Variants in PTPRK observed in about 807,000 individuals in gnomAD.
PTPRK encodes protein tyrosine phosphatase receptor type K, also known as receptor-type tyrosine-protein phosphatase kappa.
In PTPRK, 75 loss-of-function variants were observed where a neutral mutation model predicts 178.0. That is an observed-to-expected ratio of 0.42 (90% CI 0.35 to 0.51). The LOEUF is 0.51. Among genes scored for constraint, PTPRK ranks in the 20% least tolerant of loss-of-function variants. PTPRK has a pLI of 0.02. For missense variants in PTPRK, 1,441 were observed against 1,797.8 expected (o/e 0.80, Z 3.59); for synonymous variants, 637 against 620.6 (o/e 1.03, Z -0.39).
intron 1 of PTPRK, among the ~76,000 whole-genome samples, chr6:128,419,384 G>T (rs1048703075): frequency 6.6e-6 from 1 of 152,180 alleles, no homozygotes; most frequent in Non-Finnish European, 1.5e-5. Context: ...ACACCAAGGC[G>T]GGCGGATCAC....
intron 10 of PTPRK, among the ~76,000 whole-genome samples, chr6:128,081,885 G>A (rs550534109): frequency 2.6e-5 from 4 of 152,032 alleles, no homozygotes; most frequent in African/African-American, 9.6e-5. Context: ...GACTACAATA[G>A]AATGTAAAGT....
At chr6:128,467,151 C>G (rs768601500) in intron 1 of PTPRK, among the ~76,000 whole-genome samples, 4 of 152,062 alleles carry the variant, frequency 2.6e-5, no homozygotes, top group Non-Finnish European at 5.9e-5. Context: ...AGGTGAGCAC[C>G]ACCGCGCCCG....
At chr6:128,391,069 C>A (rs1260197619) in intron 2 of PTPRK, among the ~76,000 whole-genome samples, 1 of 151,860 alleles carries the variant, frequency 6.6e-6, no homozygotes, top group Non-Finnish European at 1.5e-5. Context: ...AGTTCCAGGA[C>A]CATTCATTCC....
chr6:128,238,199 A>G (rs1562847678), intron 5 of PTPRK: 3 of 399,104 alleles, frequency 7.5e-6, no homozygotes, highest in Admixed American at 3.3e-5. Flanking sequence ...AAAAAAAAAA[A>G]AAAGAAAAGA....
intron 2 of PTPRK, among the ~76,000 whole-genome samples, chr6:128,369,707 T>G (rs1318584932): frequency 4.6e-5 from 7 of 152,150 alleles, no homozygotes; most frequent in Non-Finnish European, 8.8e-5. Flanking sequence ...ATTCATTTAA[T>G]TTTTAACCTT....
chr6:127,970,913 G>C (rs772576198), intron 29 of PTPRK, among the ~76,000 whole-genome samples: 4 of 151,452 alleles, frequency 2.6e-5, no homozygotes, highest in Non-Finnish European at 5.9e-5. Context: ...ATGCTACAGT[G>C]ATAAACTGCA....
At chr6:128,170,903 CAA>C (rs201323667) in intron 7 of PTPRK, among the ~76,000 whole-genome samples, 6 of 129,696 alleles carry the variant, frequency 4.6e-5, no homozygotes, top group East Asian at 2.1e-4. Context: ...AGTAAGAAAG[CAA>C]AAAAAAAAAA....
At chr6:127,992,871 C>T (rs539408900) in intron 18 of PTPRK, among the ~76,000 whole-genome samples, 162 bp from the exon 19 acceptor site, 1 of 151,546 alleles carries the variant, frequency 6.6e-6, no homozygotes, top group Non-Finnish European at 1.5e-5. Context: ...CCTATGTTAT[C>T]TGAAAGGTAA....
intron 2 of PTPRK, among the ~76,000 whole-genome samples, chr6:128,376,339 T>C (rs1288974599): frequency 3.3e-5 from 5 of 152,164 alleles, no homozygotes; most frequent in Non-Finnish European, 7.3e-5. Context: ...CTCAACACCA[T>C]GTGGAAGATG....
chr6:128,190,510 T>A (rs996989601), intron 6 of PTPRK, among the ~76,000 whole-genome samples: 8 of 139,750 alleles, frequency 5.7e-5, no homozygotes, highest in African/African-American at 1.9e-4. Flanking sequence ...TTTTTTTTTT[T>A]TTTTTTTTGA....
At chr6:128,384,866 T>A (rs1838474205) in intron 2 of PTPRK, among the ~76,000 whole-genome samples, 1 of 151,716 alleles carries the variant, frequency 6.6e-6, no homozygotes, top group Non-Finnish European at 1.5e-5. Flanking sequence ...TTCAGTCTCC[T>A]CTTAAAAAGA....
intron 1 of PTPRK, chr6:128,491,787 G>C (rs756556043): frequency 1.9e-6 from 1 of 518,358 alleles, no homozygotes; most frequent in African/African-American, 1.9e-5. Context: ...GATAGATGGC[G>C]AATGGAATGG....
chr6:128,409,797 C>T (rs375999180), intron 1 of PTPRK, among the ~76,000 whole-genome samples: 6 of 152,154 alleles, frequency 3.9e-5, no homozygotes, highest in South Asian at 4.2e-4. Flanking sequence ...TCTTTTTGCC[C>T]GCTGCCATTC....
chr6:127,996,790 TA>T (rs1777200356), intron 17 of PTPRK, 110 bp downstream of exon 17: 4 of 1,333,190 alleles, frequency 3.0e-6, no homozygotes, highest in Non-Finnish European at 4.0e-6. Flanking sequence ...GTTTTAATAT[TA>T]AATAGATTAC....
intron 1 of PTPRK, among the ~76,000 whole-genome samples, chr6:128,462,004 G>GT (rs1438495397): frequency 6.6e-6 from 1 of 151,670 alleles, no homozygotes; most frequent in Non-Finnish European, 1.5e-5. Flanking sequence ...TTTTTCTTTT[G>GT]TTTTTTAAGA....
intron 6 of PTPRK, among the ~76,000 whole-genome samples, chr6:128,212,093 T>C (rs1808300567): frequency 6.6e-6 from 1 of 152,078 alleles, no homozygotes; most frequent in Non-Finnish European, 1.5e-5. Flanking sequence ...GACTATTTTT[T>C]ATTTGTTAGG....
intron 16 of PTPRK, among the ~76,000 whole-genome samples, chr6:127,998,063 T>C (rs891781626): frequency 3.3e-5 from 5 of 152,098 alleles, no homozygotes; most frequent in Admixed American, 3.3e-4. Flanking sequence ...CTATATTATG[T>C]TTGTTGGAAT....
At chr6:128,328,900 A>G (rs1234398727) in intron 2 of PTPRK, among the ~76,000 whole-genome samples, 1 of 152,224 alleles carries the variant, frequency 6.6e-6, no homozygotes, top group East Asian at 1.9e-4. Flanking sequence ...TATCTGTCTC[A>G]ATAGAAGGCA....
chr6:128,011,601 C>T lies in PTPRK; in HGVS notation c.2195-2333G>A, dbSNP rs1779063539. Among the ~76,000 whole-genome samples the T allele has an allele frequency of 2.7e-5, 4 of 150,932 alleles. No homozygotes were observed. The South Asian group carries it at 8.3e-4, about 31-fold the overall frequency. Reference sequence around the variant, plus strand: ...GTATGTAGGTGCAAATATAAACTATCATCATGAAGTAAGAACAGCAGCTTT... The same window carrying T: ...GTATGTAGGTGCAAATATAAACTATTATCATGAAGTAAGAACAGCAGCTTT... On this transcript the variant is annotated intron_variant, in intron 13 of 29. Coordinates refer to ENST00000368226, the MANE Select transcript of PTPRK (RefSeq NM_002844.4).
Sources: allele counts gnomAD v4.1 joint callset (sites outside exome capture counted in the v4.1 genomes callset), GRCh38; gene constraint gnomAD v4.1.1; transcripts MANE v1.5; gene names NCBI Gene and HGNC (gene_info 2026-07-23, HGNC 2026-07-21).